Variants in TMEM144 observed in about 807,000 individuals in gnomAD.
TMEM144 encodes transmembrane protein 144.
TMEM144 carries 39 observed loss-of-function variants against 43.6 expected under a neutral mutation model. The ratio of observed to expected loss-of-function variants is 0.90; its 90% confidence interval spans 0.69 to 1.17. The LOEUF (loss-of-function observed/expected upper bound fraction) is 1.17, where lower values mean the gene tolerates loss of function less well. Ranked by LOEUF, TMEM144 falls within the 50% of genes most tolerant of loss-of-function variation. TMEM144 has a pLI of 0.00. For synonymous variants in TMEM144, 154 were observed against 133.6 expected (o/e 1.15, Z -1.06); for missense variants, 417 against 411.9 (o/e 1.01, Z -0.11).
intron 3 of TMEM144, among the ~76,000 whole-genome samples, chr4:158,214,393 T>C (rs1397158132): frequency 6.6e-6 from 1 of 152,208 alleles, no homozygotes; most frequent in East Asian, 1.9e-4. Flanking sequence ...TGAGATTGAA[T>C]CCAAGAGGGG....
At chr4:158,249,359 G>A (rs1480407864) in intron 12 of TMEM144, among the ~76,000 whole-genome samples, 2 of 152,190 alleles carry the variant, frequency 1.3e-5, no homozygotes, top group African/African-American at 2.4e-5. Flanking sequence ...CCACAACAAT[G>A]TATAGGTCAG....
At chr4:158,219,464 T>C in intron 6 of TMEM144, 74 bp downstream of exon 6, 2 of 1,360,442 alleles carry the variant, frequency 1.5e-6, no homozygotes, top group East Asian at 4.6e-5. Context: ...CCTGCTATGT[T>C]TACATTTTTT....
chr4:158,237,474 C>A, intron 8 of TMEM144, 51 bp from the exon 9 acceptor site: 1 of 1,414,068 alleles, frequency 7.1e-7, no homozygotes, highest in South Asian at 1.3e-5. Context: ...GTGCGTTTGT[C>A]AGAAATACTG....
At chr4:158,213,019 T>C in intron 3 of TMEM144, 1 of 551,238 alleles carries the variant, frequency 1.8e-6, no homozygotes, top group Non-Finnish European at 3.2e-6. Context: ...TCTTGGGCCA[T>C]TATATGAATG....
At chr4:158,222,898 T>C (rs1734577174) in intron 6 of TMEM144, among the ~76,000 whole-genome samples, 1 of 152,254 alleles carries the variant, frequency 6.6e-6, no homozygotes, top group Non-Finnish European at 1.5e-5. Flanking sequence ...TTAAATTACC[T>C]ATGCCTTTGA....
At chr4:158,217,747 A>G (rs1734299985) in intron 5 of TMEM144, among the ~76,000 whole-genome samples, 3 of 152,202 alleles carry the variant, frequency 2.0e-5, no homozygotes, top group African/African-American at 7.2e-5. Flanking sequence ...CACTTTCACA[A>G]ATACGTGAGG....
chr4:158,231,610 C>T (rs568136838), intron 6 of TMEM144, among the ~76,000 whole-genome samples: 1 of 152,006 alleles, frequency 6.6e-6, no homozygotes, highest in East Asian at 1.9e-4. Flanking sequence ...TTTTAAACCA[C>T]ATTCAACACT....
intron 12 of TMEM144, among the ~76,000 whole-genome samples, chr4:158,251,443 T>C (rs1488767194): frequency 6.6e-6 from 1 of 152,160 alleles, no homozygotes; most frequent in Non-Finnish European, 1.5e-5. Flanking sequence ...GAGACAGGAA[T>C]AATACAGGGT....
chr4:158,216,682 T>G (rs1734238566), intron 4 of TMEM144, among the ~76,000 whole-genome samples: 1 of 152,074 alleles, frequency 6.6e-6, no homozygotes, highest in Non-Finnish European at 1.5e-5. Context: ...GGGAAAATCT[T>G]TAGGGGGTAC....
intron 6 of TMEM144, 64 bp downstream of exon 6, chr4:158,219,454 C>G: frequency 1.4e-6 from 2 of 1,437,544 alleles, no homozygotes; most frequent in Non-Finnish European, 2.0e-6. Flanking sequence ...TTTTAAGGAT[C>G]CTGCTATGTT....
chr4:158,232,947 T>G lies in TMEM144; in HGVS notation c.460T>G (p.Cys154Gly), dbSNP rs765754558. 55 of 1,611,948 alleles carry G rather than the reference T, an allele frequency of 3.4e-5. No homozygotes were observed. The highest frequency in any genetic ancestry group is 4.5e-5 in the Non-Finnish European group (53 of 1,179,182). The change falls in exon 7 of 13, where the codon TGT becomes GGT. Residue 154 changes from cysteine (C) to glycine (G), a missense_variant. By Grantham distance (159) the Cys-to-Gly change is radical. Coordinates refer to ENST00000296529, the MANE Select transcript of TMEM144 (RefSeq NM_018342.5). ...CAAAAGTGAAATACCAAATAACACG[T>G]GTTCCATGGATACCACTCCATTAAT... Reference protein sequence around the residue: ...FIKSEIPNNTCSMDTTPLITE... With the variant: ...FIKSEIPNNTGSMDTTPLITE...
At chr4:158,228,778 C>G (rs922860706) in intron 6 of TMEM144, among the ~76,000 whole-genome samples, 4 of 152,274 alleles carry the variant, frequency 2.6e-5, no homozygotes, top group African/African-American at 9.6e-5. Context: ...GCAGACAAAA[C>G]TCCTCAGACA....
At chr4:158,243,874 G>T (rs1579147619) in intron 11 of TMEM144, among the ~76,000 whole-genome samples, 2 of 152,136 alleles carry the variant, frequency 1.3e-5, no homozygotes, top group Admixed American at 6.6e-5. Flanking sequence ...AGGCCAAAAA[G>T]AATATGCCAA....
chr4:158,226,982 G>C (rs893283788), intron 6 of TMEM144, among the ~76,000 whole-genome samples: 3 of 152,060 alleles, frequency 2.0e-5, no homozygotes, highest in African/African-American at 4.8e-5. Context: ...CACAAGAATA[G>C]AAGTTAGTAT....
chr4:158,224,599 G>A (rs938108850), intron 6 of TMEM144, among the ~76,000 whole-genome samples: 6 of 152,118 alleles, frequency 3.9e-5, no homozygotes, highest in Non-Finnish European at 7.4e-5. Flanking sequence ...TAATAGGACC[G>A]TAGCAACCTT....
intron 9 of TMEM144, among the ~76,000 whole-genome samples, chr4:158,238,451 C>G (rs1391180429): frequency 6.6e-6 from 1 of 152,112 alleles, no homozygotes; most frequent in African/African-American, 2.4e-5. Flanking sequence ...TTATAGTTAG[C>G]CCCATGTATA....
chr4:158,214,691 T>G (rs1456598421), intron 3 of TMEM144, among the ~76,000 whole-genome samples: 1 of 152,202 alleles, frequency 6.6e-6, no homozygotes, highest in African/African-American at 2.4e-5. Flanking sequence ...GAGGCCTATG[T>G]GTGACCATAA....
intron 9 of TMEM144, 49 bp from the exon 10 acceptor site, chr4:158,240,250 T>C (rs758969922): frequency 1.9e-6 from 3 of 1,567,080 alleles, no homozygotes; most frequent in Non-Finnish European, 8.6e-7. Flanking sequence ...TCTAAATATA[T>C]CTGGAATGAT....
At chr4:158,249,031 C>G (rs1471322808) in intron 12 of TMEM144, among the ~76,000 whole-genome samples, 4 of 152,096 alleles carry the variant, frequency 2.6e-5, no homozygotes, top group African/African-American at 7.2e-5. Flanking sequence ...CTCAGCCTCC[C>G]GAGTAGCTGG....
Sources: allele counts gnomAD v4.1 joint callset (sites outside exome capture counted in the v4.1 genomes callset), GRCh38; gene constraint gnomAD v4.1.1; transcripts MANE v1.5; gene names NCBI Gene and HGNC (gene_info 2026-07-23, HGNC 2026-07-21).